PCDHAC1: variants seen among roughly 807,000 people sequenced by gnomAD.
PCDHAC1 encodes protocadherin alpha-C1.
PCDHAC1 carries 42 observed loss-of-function variants against 60.0 expected under a neutral mutation model. The observed-to-expected ratio is 0.70, with a 90% CI of 0.55 to 0.90. The LOEUF is 0.90. PCDHAC1 is among the 40% of genes least tolerant of loss of function. The pLI is 0.00. For synonymous variants in PCDHAC1, 468 were observed against 499.3 expected (o/e 0.94, Z 0.84); for missense variants, 1,160 against 1,222.3 (o/e 0.95, Z 0.76).
intron 2 of PCDHAC1, chr5:140,982,223 TA>T: frequency 5.2e-6 from 3 of 580,212 alleles, no homozygotes; most frequent in East Asian, 4.0e-5. Context: ...ATGGCGTTAA[TA>T]AAAAACAGAA....
intron 1 of PCDHAC1, chr5:140,966,877 T>A (rs782616985): frequency 6.3e-7 from 1 of 1,586,572 alleles, no homozygotes; most frequent in Admixed American, 1.8e-5. Context: ...TGCTGCTACC[T>A]GGCCCTGCGG....
At chr5:140,967,051 G>T in intron 1 of PCDHAC1, 12 of 1,612,562 alleles carry the variant, frequency 7.4e-6, no homozygotes, top group Non-Finnish European at 9.3e-6. Context: ...TGGACCTGAC[G>T]AGTGGAGCGC....
chr5:140,997,668 T>TTGTGTGTGTGTGTGTG (rs35184029), intron 3 of PCDHAC1, among the ~76,000 whole-genome samples: 13 of 148,244 alleles, frequency 8.8e-5, no homozygotes, highest in African/African-American at 2.2e-4. Flanking sequence ...ATTATACAGC[T>TTGTGTGTGTGTGTGTG]TGTGTGTGTG....
In PCDHAC1 at chr5:140,931,701, A is replaced by G. The variant is rs78657610; in HGVS notation, c.2433+2376A>G. Among the ~76,000 whole-genome samples the G allele has an allele frequency of 8.3e-3, 1,259 of 152,106 alleles. 10 individuals are homozygous for G. Among genetic ancestry groups the G allele is most frequent in the Non-Finnish European group, 0.014 (970 of 67,850 alleles). ...TAAATGAATTGTGATTCATAAAACC[A>G]TGAATAAAATAACTTCTATAAATAT... On this transcript the variant is annotated intron_variant, in intron 1 of 3. Coordinates refer to ENST00000253807, the MANE Select transcript of PCDHAC1 (RefSeq NM_018898.5).
At chr5:140,952,445 G>A (rs1187543872) in intron 1 of PCDHAC1, among the ~76,000 whole-genome samples, 1 of 152,002 alleles carries the variant, frequency 6.6e-6, no homozygotes, top group Non-Finnish European at 1.5e-5. Flanking sequence ...GCATAATACA[G>A]CCAGGCTCTT....
In PCDHAC1 at chr5:140,987,224, A is replaced by AAT. The variant is rs1554248891; in HGVS notation, c.2581+4662_2581+4663insTA. Among the ~76,000 whole-genome samples, 91 of 152,046 alleles carry AAT rather than the reference A, an allele frequency of 6.0e-4. 1 individual carries two copies. Among genetic ancestry groups the AAT allele is most frequent in the African/African-American group, 2.0e-3 (84 of 41,424 alleles). ...GTGAGACTCCATCTCAAAAAAAAAA[A>AAT]AAATAATAAATAAAGAAAGAAAGAC... On this transcript the variant is annotated intron_variant, in intron 3 of 3. Coordinates refer to ENST00000253807, the MANE Select transcript of PCDHAC1 (RefSeq NM_018898.5).
chr5:140,936,235 GA>G (rs1358431789), intron 1 of PCDHAC1, among the ~76,000 whole-genome samples: 2 of 152,076 alleles, frequency 1.3e-5, no homozygotes, highest in African/African-American at 4.8e-5. Context: ...TCCTTTTAAA[GA>G]AAACATATCC....
At chr5:141,002,733 G>T (rs556024108) in intron 3 of PCDHAC1, among the ~76,000 whole-genome samples, 1 of 152,314 alleles carries the variant, frequency 6.6e-6, no homozygotes, top group Admixed American at 6.5e-5. Context: ...CACAGTAAAT[G>T]TTAACTACAT....
intron 3 of PCDHAC1, among the ~76,000 whole-genome samples, chr5:141,009,142 G>T (rs1374390797): frequency 2.0e-5 from 3 of 152,204 alleles, no homozygotes; most frequent in Non-Finnish European, 4.4e-5. Context: ...GAAAAAACCT[G>T]CCCTCTTGCT....
At chr5:140,966,414 G>A (rs1310333281) in intron 1 of PCDHAC1, 5 of 420,334 alleles carry the variant, frequency 1.2e-5, no homozygotes, top group African/African-American at 2.1e-5. Context: ...AATCAGAGCA[G>A]GACTTGCTGA....
chr5:140,935,016 T>C (rs997789296), intron 1 of PCDHAC1, among the ~76,000 whole-genome samples: 6 of 152,322 alleles, frequency 3.9e-5, no homozygotes, highest in Admixed American at 6.5e-5. Flanking sequence ...TGAGTCTTAA[T>C]AGTCTTTTGA....
intron 3 of PCDHAC1, among the ~76,000 whole-genome samples, chr5:140,985,188 C>T (rs1186148399): frequency 6.6e-6 from 1 of 152,192 alleles, no homozygotes; most frequent in African/African-American, 2.4e-5. Context: ...CCGCCTGCCT[C>T]GGTCTCCCAA....
chr5:140,984,478 A>G (rs1374350616), intron 3 of PCDHAC1, among the ~76,000 whole-genome samples: 1 of 152,078 alleles, frequency 6.6e-6, no homozygotes, highest in Non-Finnish European at 1.5e-5. Flanking sequence ...TGTATAACCC[A>G]TTTTATCCAG....
chr5:140,949,764 G>A (rs1168507534), intron 1 of PCDHAC1, among the ~76,000 whole-genome samples: 2 of 151,746 alleles, frequency 1.3e-5, no homozygotes, highest in African/African-American at 2.4e-5. Flanking sequence ...TCACATTAGT[G>A]TAATATTTGA....
chr5:140,935,379 C>T (rs2090338823), intron 1 of PCDHAC1, among the ~76,000 whole-genome samples: 1 of 152,196 alleles, frequency 6.6e-6, no homozygotes, highest in African/African-American at 2.4e-5. Context: ...CAGAATTACT[C>T]ATTTGTTATC....
chr5:140,989,387 T>A (rs1269344397), intron 3 of PCDHAC1, among the ~76,000 whole-genome samples: 2 of 152,122 alleles, frequency 1.3e-5, no homozygotes, highest in Non-Finnish European at 2.9e-5. Context: ...GTGGGAAAGA[T>A]GATATGGAGG....
chr5:140,978,427 GTTGCT>G (rs2096802128), intron 1 of PCDHAC1, among the ~76,000 whole-genome samples: 1 of 152,196 alleles, frequency 6.6e-6, no homozygotes, highest in Non-Finnish European at 1.5e-5. Context: ...ACTGTTATCA[GTTGCT>G]GGTGTTATGA....
At position 140,979,295 on chromosome 5, in the gene PCDHAC1, C is replaced by A. The variant is rs180999093; in HGVS notation, c.2492+288C>A. Among the ~76,000 whole-genome samples, 27 of 152,270 alleles carry A rather than the reference C, an allele frequency of 1.8e-4. 1 individual carries two copies. The highest frequency in any genetic ancestry group is 4.1e-4 in the African/African-American group (17 of 41,558). ...TTCTACAGGGAAGTAATTTCAACCT[C>A]CTTCATCCCTCTCTACCTATGCTTT... On this transcript the variant is annotated intron_variant, in intron 2 of 3. Coordinates refer to ENST00000253807, the MANE Select transcript of PCDHAC1 (RefSeq NM_018898.5).
intron 1 of PCDHAC1, among the ~76,000 whole-genome samples, chr5:140,938,877 ACACACACACACACAGATGCG>A (rs1350432569): frequency 6.6e-6 from 1 of 150,854 alleles, no homozygotes; most frequent in Non-Finnish European, 1.5e-5. Flanking sequence ...TTAAGAAGCA[ACACACACACACACAGATGCG>A]CACACACACA....
Sources: gnomAD v4.1 joint callset for allele counts (sites outside exome capture counted in the v4.1 genomes callset) on GRCh38, gnomAD v4.1.1 for gene constraint, MANE v1.5 for transcripts, NCBI Gene and HGNC (gene_info 2026-07-23, HGNC 2026-07-21) for gene names.